The following ITCH variants were observed in gnomAD, a reference collection of about 807,000 sequenced individuals.
ITCH encodes the protein E3 ubiquitin-protein ligase Itchy homolog.
ITCH carries 28 observed loss-of-function variants against 126.8 expected under a neutral mutation model. The ratio of observed to expected loss-of-function variants is 0.22; its 90% confidence interval spans 0.16 to 0.30. ITCH has a LOEUF of 0.30. Ranked by LOEUF, ITCH falls within the 10% of genes least tolerant of loss-of-function variation. ITCH has a pLI of 1.00. For missense variants in ITCH, 631 were observed against 1,032.4 expected (o/e 0.61, Z 5.33); for synonymous variants, 342 against 340.0 (o/e 1.01, Z -0.06).
intron 23 of ITCH, among the ~76,000 whole-genome samples, chr20:34,496,985 C>T (rs1989929111): frequency 6.6e-6 from 1 of 151,798 alleles, no homozygotes; most frequent in African/African-American, 2.4e-5. Flanking sequence ...AAGAGAGTGT[C>T]CTTTCCCCCA....
intron 7 of ITCH, among the ~76,000 whole-genome samples, chr20:34,431,861 GA>G (rs1982339281): frequency 6.6e-6 from 1 of 152,046 alleles, no homozygotes; most frequent in African/African-American, 2.4e-5. Context: ...CCAACATGGT[GA>G]AACCCCATCT....
rs751389446 is a variant in ITCH, at chr20:34,471,426, G to C, written c.1498-18G>C. The C allele has an allele frequency of 6.6e-7, 1 of 1,518,916 alleles. No individual in the cohort carries two copies. Among genetic ancestry groups the C allele is most frequent in the Admixed American group, 1.7e-5 (1 of 59,892 alleles). 94.1% of individuals were successfully genotyped at this position (1,518,916 alleles called of 1,614,324 possible). ...ATTTTAATGATGAGAGTTGACTTAA[G>C]TCATTCTTCTATTTCAGCAACTGGC... On this transcript the variant is annotated intron_variant, in intron 15 of 24. Transcript: ENST00000374864.
rs1226903202 is a variant in ITCH, at chr20:34,462,023, G to A, written c.1296-70G>A. 4.1e-6 allele frequency: 6 copies of A among 1,459,896 alleles called. No homozygotes were observed. In the African/African-American group the frequency reaches 8.4e-5, roughly 20 times the overall value. The allele number at this position is 1,459,896 out of a possible 1,614,324, so 90.4% of individuals were successfully genotyped here. On this transcript the variant is annotated intron_variant, in intron 13 of 24. Transcript: ENST00000374864. ...ATTTCTGCTATGTTTATTGACATTT[G>A]TAGCTTCTGTACTTGGCAAACAAGC...
At chr20:34,469,975 A>G (rs1374005866) in intron 14 of ITCH, 73 bp from the exon 15 acceptor site, 5 of 1,099,920 alleles carry the variant, frequency 4.5e-6, no homozygotes, top group East Asian at 4.7e-5. Context: ...AGAGGGTGGG[A>G]TATTTTGCTT....
chr20:34,405,991 A>C (rs2146133002), intron 3 of ITCH, among the ~76,000 whole-genome samples: 1 of 150,398 alleles, frequency 6.6e-6, no homozygotes, highest in African/African-American at 2.4e-5. Flanking sequence ...TCATGTTTCC[A>C]CTTAGATGTC....
In ITCH at chr20:34,393,807, G is replaced by A. The variant is rs775519097; in HGVS notation, c.-5G>A. The A allele has an allele frequency of 1.9e-6, 3 of 1,611,746 alleles. No individual in the cohort carries two copies. The South Asian group carries it at 3.3e-5, about 18-fold the overall frequency. ...CATGTTCAGGTTTTCCAACCTATTG[G>A]TGGTATGTCTGACAGTGGATCACAA... On this transcript the variant is annotated 5_prime_UTR_variant, in exon 3 of 25. The change creates a new upstream start codon in the 5' untranslated region. Coordinates refer to ENST00000374864, the MANE Select transcript of ITCH (RefSeq NM_031483.7).
intron 16 of ITCH, among the ~76,000 whole-genome samples, chr20:34,473,851 G>A (rs377754653): frequency 7.2e-5 from 11 of 152,252 alleles, no homozygotes; most frequent in African/African-American, 1.2e-4. Flanking sequence ...ATAAATTGTC[G>A]TAATTTCTCC....
chr20:34,447,823 T>C (rs1485973370), intron 11 of ITCH, among the ~76,000 whole-genome samples: 2 of 152,188 alleles, frequency 1.3e-5, no homozygotes, highest in Non-Finnish European at 2.9e-5. Flanking sequence ...TAGTGTAATG[T>C]AGCTCATATC....
chr20:34,480,530 A>G (rs1388971686), intron 18 of ITCH, 69 bp from the exon 19 acceptor site: 3 of 1,550,132 alleles, frequency 1.9e-6, no homozygotes, highest in Non-Finnish European at 2.7e-6. Flanking sequence ...TGAAGAGTAC[A>G]TCTAATATAT....
At chr20:34,494,993 T>G (rs1290856741) in intron 23 of ITCH, among the ~76,000 whole-genome samples, 9 of 151,298 alleles carry the variant, frequency 5.9e-5, no homozygotes, top group Admixed American at 5.3e-4. Flanking sequence ...GGCTCACGCC[T>G]GTAATCCCAG....
intron 2 of ITCH, among the ~76,000 whole-genome samples, chr20:34,384,875 G>A (rs1220699012): frequency 1.3e-5 from 2 of 151,800 alleles, no homozygotes; most frequent in Admixed American, 6.6e-5. Flanking sequence ...TGTTAGCCAG[G>A]TTGGTCTTGA....
chr20:34,412,713 C>A, intron 5 of ITCH, 74 bp downstream of exon 5: 1 of 1,198,012 alleles, frequency 8.3e-7, no homozygotes, highest in Non-Finnish European at 1.2e-6. Context: ...GTCAAACATG[C>A]ATAATGACTC....
At chr20:34,370,529 T>C (rs1045814105) in intron 2 of ITCH, among the ~76,000 whole-genome samples, 2 of 151,924 alleles carry the variant, frequency 1.3e-5, no homozygotes, top group African/African-American at 4.8e-5. Flanking sequence ...CAGGGTGTGA[T>C]GTCATGTGCC....
At chr20:34,499,271 G>GTTTT (rs1569007842) in intron 23 of ITCH, among the ~76,000 whole-genome samples, 3 of 40,842 alleles carry the variant, frequency 7.3e-5, no homozygotes, top group African/African-American at 2.7e-4. Context: ...ACTGTGCCCA[G>GTTTT]CTTTTTTTTT....
At chr20:34,412,881 A>G (rs1362935951) in intron 5 of ITCH, among the ~76,000 whole-genome samples, 2 of 152,208 alleles carry the variant, frequency 1.3e-5, no homozygotes, top group African/African-American at 2.4e-5. Context: ...AGATATTAGT[A>G]AAGTAATACA....
chr20:34,463,043 A>G (rs1986689256), intron 14 of ITCH, among the ~76,000 whole-genome samples: 1 of 152,188 alleles, frequency 6.6e-6, no homozygotes, highest in Non-Finnish European at 1.5e-5. Context: ...ATTGTAAATA[A>G]TGCTGCTCTG....
At chr20:34,475,200 A>T (rs1174343976) in intron 16 of ITCH, among the ~76,000 whole-genome samples, 1 of 150,680 alleles carries the variant, frequency 6.6e-6, no homozygotes, top group Non-Finnish European at 1.5e-5. Flanking sequence ...GGCTCCTCAC[A>T]TCCCAGACGA....
chr20:34,462,890 G>A (rs948395881), intron 14 of ITCH, among the ~76,000 whole-genome samples: 2 of 152,106 alleles, frequency 1.3e-5, no homozygotes, highest in African/African-American at 2.4e-5. Flanking sequence ...ATTTCACTAA[G>A]GTCATATCTT....
At chr20:34,439,530 C>T (rs1024952587) in intron 8 of ITCH, among the ~76,000 whole-genome samples, 2 of 152,234 alleles carry the variant, frequency 1.3e-5, no homozygotes, top group Non-Finnish European at 2.9e-5. Context: ...TCTGCCTCGG[C>T]CTCCCAAAGT....
Sources: gnomAD v4.1 joint callset for allele counts (sites outside exome capture counted in the v4.1 genomes callset) on GRCh38, gnomAD v4.1.1 for gene constraint, MANE v1.5 for transcripts, NCBI Gene and HGNC (gene_info 2026-07-23, HGNC 2026-07-21) for gene names.